Variants in TELO2 observed in about 807,000 individuals in gnomAD.
TELO2 encodes telomere length regulation protein TEL2 homolog.
A neutral mutation model predicts 91.0 loss-of-function variants in TELO2; 71 were observed. The observed-to-expected ratio is 0.78, with a 90% confidence interval of 0.64 to 0.95. TELO2 has a LOEUF of 0.95. Ranked by LOEUF, TELO2 falls within the 40% of genes least tolerant of loss-of-function variation. The probability of loss-of-function intolerance (pLI) is 0.00; values close to 1 mark genes in which losing one functional copy is unlikely to be tolerated. For missense variants in TELO2, 1,183 were observed against 1,141.3 expected, an observed-to-expected ratio of 1.04 and a Z score of -0.53; for synonymous variants, 584 against 518.9, an observed-to-expected ratio of 1.13 and a Z score of -1.71.
In TELO2 at chr16:1,505,627, AC is replaced by A; in HGVS notation, c.2034+27del. The A allele has an allele frequency of 6.8e-7, 1 of 1,476,560 alleles. No individual in the cohort carries two copies. The allele number at this position is 1,476,560 out of a possible 1,614,324, so 91.5% of individuals were successfully genotyped here. On this transcript the variant is annotated intron_variant, in intron 16 of 20. Transcript: ENST00000262319. This position sits in a 1 kb window ranked among gnomAD's most constrained non-coding sequence, Gnocchi z 4.3. Reference sequence around the variant, plus strand: ...GTTAGTGGCGCCTGGTCAGCTCCTCACGGGCATGGGGACCGTGGGTGGGTGG... The same window carrying A: ...GTTAGTGGCGCCTGGTCAGCTCCTCAGGGCATGGGGACCGTGGGTGGGTGG...
chr16:1,503,525 G>T (rs1441486511), intron 15 of TELO2, among the ~76,000 whole-genome samples: 4 of 152,212 alleles, frequency 2.6e-5, no homozygotes, highest in Non-Finnish European at 5.9e-5. Flanking sequence ...ACTCCCGTGT[G>T]GGTGAGAGAG....
intron 5 of TELO2, among the ~76,000 whole-genome samples, chr16:1,498,057 C>T (rs1441776625): frequency 6.6e-6 from 1 of 151,468 alleles, no homozygotes; most frequent in Non-Finnish European, 1.5e-5. Context: ...TGCTCTGTCA[C>T]CCAGGCTGGA....
In TELO2 at chr16:1,500,677, A is replaced by AG; in HGVS notation, c.1263dup (p.Pro422AlafsTer11). 9 of 1,612,394 alleles carry AG rather than the reference A, an allele frequency of 5.6e-6. No homozygotes were observed. Among genetic ancestry groups the AG allele is most frequent in the Non-Finnish European group, 7.6e-6 (9 of 1,179,790 alleles). ...GTCGTTAGTGCCCGGATCCACCCCG[A>AG]GGGGCCTCCCCTGAAATTCCAGGTG... is the stretch of plus-strand genomic sequence containing the variant. On this transcript the variant is annotated frameshift_variant, in exon 9 of 21. Coordinates refer to ENST00000262319, the MANE Select transcript of TELO2 (RefSeq NM_016111.4). LOFTEE classifies it high-confidence loss of function.
At position 1,501,405 on chromosome 16, in the gene TELO2, G is replaced by C. The variant is rs761036392; in HGVS notation, c.1282-15G>C. On this transcript the variant is annotated splice_polypyrimidine_tract_variant and intron_variant, in intron 9 of 20. Coordinates refer to ENST00000262319, the MANE Select transcript of TELO2 (RefSeq NM_016111.4). ...CAGCCTGGCGGATGCCGCTGAGCCT[G>C]CTCCCCTGCTGTAGTACGAAGAGGA... 1.1e-5 allele frequency: 17 copies of C among 1,611,310 alleles called. No individual in the cohort carries two copies. Among genetic ancestry groups the C allele is most frequent in the Non-Finnish European group, 1.4e-5 (16 of 1,179,372 alleles).
rs747389951 is a variant in TELO2 at position 1,500,589 on chromosome 16, G to A, written c.1171G>A (p.Val391Met). The change falls in exon 9 of 21, where the codon GTG (valine) becomes ATG (methionine). Residue 391 changes from valine to methionine, a missense_variant. By Grantham distance (21) the Val-to-Met change is conservative. Coordinates refer to ENST00000262319, the MANE Select transcript of TELO2 (RefSeq NM_016111.4). ...ACTGCTGGCCAGCATGATGGCGGGC[G>A]TGAAGTGCCGCCTGGACAGTAGCCT... The part of the protein sequence containing the change: ...DELLASMMAG[V>M]KCRLDSSLPP... 57 of 1,611,842 alleles carry A rather than the reference G, an allele frequency of 3.5e-5. No homozygotes were observed. Among genetic ancestry groups the A allele is most frequent in the South Asian group, 3.3e-5 (3 of 90,964 alleles).
chr16:1,501,587 T>C (rs1385763413), intron 10 of TELO2, 76 bp from the exon 11 acceptor site: 1 of 1,567,502 alleles, frequency 6.4e-7, no homozygotes, highest in Admixed American at 1.8e-5. Flanking sequence ...GGAAACCCTT[T>C]CTTTCTGTCC....
rs904455943 is a variant in TELO2, at chr16:1,510,055, G to T, written c.*119G>T. On this transcript the variant is annotated 3_prime_UTR_variant, in exon 21 of 21. Coordinates refer to ENST00000262319, the MANE Select transcript of TELO2 (RefSeq NM_016111.4). ...CCAGGTCTTCGGCCGCATCCGGTACGGAGAGTGCAGATGCAGGAAGGCCCG... is the reference window on the plus strand; with the variant it reads ...CCAGGTCTTCGGCCGCATCCGGTACTGAGAGTGCAGATGCAGGAAGGCCCG... 2 of 827,076 alleles carry T rather than the reference G, an allele frequency of 2.4e-6. No individual in the cohort carries two copies. The highest frequency in any genetic ancestry group is 3.8e-6 in the Non-Finnish European group (2 of 526,076). The allele number at this position is 827,076 out of a possible 1,614,324, so 51.2% of individuals were successfully genotyped here.
rs201365298 is a variant in TELO2 at position 1,507,604 on chromosome 16, C to T, written c.2295C>T (p.Tyr765=). ...VWALRFHIDA[Y]VRQGLLSAVS... ...GCCCCCGCCTTCTTGCCGGCAGCTA[C>T]GTGCGCCAGGGGCTGTTGTCGGCCG... Residue 765 remains tyrosine (Y), a synonymous_variant, in exon 20 of 21, where the codon TAC becomes TAT. Coordinates refer to ENST00000262319, the MANE Select transcript of TELO2 (RefSeq NM_016111.4). 1.6e-4 allele frequency: 261 copies of T among 1,587,748 alleles called. 3 individuals are homozygous for T. In the African/African-American group the frequency reaches 2.1e-3, roughly 13 times the overall value.
chr16:1,507,387 G>C lies in TELO2; in HGVS notation c.2291+17G>C. The C allele has an allele frequency of 6.2e-7, 1 of 1,608,948 alleles. No homozygotes were observed. The highest frequency in any genetic ancestry group is 8.5e-7 in the Non-Finnish European group (1 of 1,179,804). On this transcript the variant is annotated intron_variant, in intron 19 of 20. Transcript: ENST00000262319. ...CATCGATGCGTGAGTGGCCTGTGGG[G>C]CTGGGCCAGGCCAGGGGTGCAGGCA...
chr16:1,495,674 C>G, intron 3 of TELO2, 51 bp downstream of exon 3: 1 of 1,532,616 alleles, frequency 6.5e-7, no homozygotes, highest in Non-Finnish European at 8.8e-7. Flanking sequence ...CTTGGGTCCT[C>G]GTCCCCTGCC....
intron 20 of TELO2, among the ~76,000 whole-genome samples, chr16:1,508,173 C>A (rs1414755571): frequency 2.6e-5 from 4 of 152,148 alleles, no homozygotes; most frequent in Non-Finnish European, 4.4e-5. Context: ...TGCTCTGTCG[C>A]CCAGGCTGGA....
intron 20 of TELO2, among the ~76,000 whole-genome samples, 170 bp from the exon 21 acceptor site, chr16:1,509,660 G>A (rs1225188231): frequency 6.6e-6 from 1 of 152,250 alleles, no homozygotes; most frequent in Non-Finnish European, 1.5e-5. Context: ...AGAGCCTGTG[G>A]CATGCAGGCC....
rs138644915 is a variant in TELO2, at chr16:1,496,894, G to C, written c.614-142G>C. 4 of 742,794 alleles carry C rather than the reference G, an allele frequency of 5.4e-6. No individual in the cohort carries two copies. The African/African-American group carries it at 7.0e-5, about 13-fold the overall frequency. 46.0% of individuals were successfully genotyped at this position (742,794 alleles called of 1,614,324 possible). A position where few individuals can be genotyped will look rare whatever the true frequency, so the allele number is the denominator to read the frequency against. On this transcript the variant is annotated intron_variant, in intron 3 of 20. Coordinates refer to ENST00000262319, the MANE Select transcript of TELO2 (RefSeq NM_016111.4). ...CACTCCTGTTCAGATTTGCTGGGTAGGCTGATGGGCACCAGCCGTTGTTTT... is the reference window on the plus strand; with the variant it reads ...CACTCCTGTTCAGATTTGCTGGGTACGCTGATGGGCACCAGCCGTTGTTTT...
intron 20 of TELO2, 54 bp from the exon 21 acceptor site, chr16:1,509,776 G>A (rs2040065809): frequency 1.3e-6 from 2 of 1,505,202 alleles, no homozygotes; most frequent in Non-Finnish European, 9.0e-7. Context: ...ACAGGAGGAG[G>A]GAGAATACGC....
chr16:1,501,804 T>G (rs2039694691), intron 11 of TELO2, 31 bp downstream of exon 11: 2 of 1,593,640 alleles, frequency 1.3e-6, no homozygotes, highest in Non-Finnish European at 1.7e-6. Flanking sequence ...GTGGGCAGCG[T>G]GCAGGAGGCC....
At chr16:1,509,429 C>A (rs1223596351) in intron 20 of TELO2, among the ~76,000 whole-genome samples, 1 of 152,220 alleles carries the variant, frequency 6.6e-6, no homozygotes, top group African/African-American at 2.4e-5. Flanking sequence ...GTGTGCGGTC[C>A]CAGACACCCA....
In TELO2 at chr16:1,502,916, C is replaced by G; in HGVS notation, c.1771-15C>G. On this transcript the variant is annotated splice_polypyrimidine_tract_variant and intron_variant, in intron 14 of 20. Coordinates refer to ENST00000262319, the MANE Select transcript of TELO2 (RefSeq NM_016111.4). ...CAGGTCCCGGACCACAGCAGCCTCT[C>G]CCCTGTGTCCTCAGGTGGCCGACTA... is the stretch of plus-strand genomic sequence containing the variant. The G allele has an allele frequency of 1.2e-6, 2 of 1,610,202 alleles. No individual in the cohort carries two copies. Among genetic ancestry groups the G allele is most frequent in the Non-Finnish European group, 1.7e-6 (2 of 1,180,006 alleles).
chr16:1,497,346 C>T lies in TELO2; in HGVS notation c.683-15C>T, dbSNP rs1040878080. ...TGCAGCTCCCCAGGCTCAGGTCCTC[C>T]GTCTGTCCCCTCAGAGGAGATCCTG... On this transcript the variant is annotated splice_polypyrimidine_tract_variant and intron_variant, in intron 4 of 20. Coordinates refer to ENST00000262319, the MANE Select transcript of TELO2 (RefSeq NM_016111.4). This position sits in a 1 kb window ranked among gnomAD's most constrained non-coding sequence, Gnocchi z 4.0. The T allele has an allele frequency of 1.5e-5, 23 of 1,533,600 alleles. No individual in the cohort carries two copies. Among genetic ancestry groups the T allele is most frequent in the Admixed American group, 6.0e-5 (3 of 50,160 alleles). The allele number at this position is 1,533,600 out of a possible 1,614,324, so 95.0% of individuals were successfully genotyped here.
intron 20 of TELO2, among the ~76,000 whole-genome samples, chr16:1,509,565 G>A (rs764130809): frequency 6.6e-6 from 1 of 152,264 alleles, no homozygotes; most frequent in Non-Finnish European, 1.5e-5. Context: ...GGGTTCCCCG[G>A]TTGTGCGCCC....
Sources: gnomAD v4.1 joint callset for allele counts (sites outside exome capture counted in the v4.1 genomes callset) on GRCh38, gnomAD v4.1.1 for gene constraint, Gnocchi (gnomAD v3.1) non-coding constraint, MANE v1.5 for transcripts, NCBI Gene and HGNC (gene_info 2026-07-23, HGNC 2026-07-21) for gene names.